Variants in RANBP17 observed in about 807,000 individuals in gnomAD.
RANBP17 encodes the protein ran-binding protein 17.
A neutral mutation model predicts 141.2 loss-of-function variants in RANBP17; 158 were observed. That is an observed-to-expected ratio of 1.12 (90% CI 0.98 to 1.28). The LOEUF (loss-of-function observed/expected upper bound fraction) is 1.28, where lower values mean the gene tolerates loss of function less well. Among genes scored for constraint, RANBP17 ranks in the 50% most tolerant of loss-of-function variants. The pLI, the probability that RANBP17 is intolerant of heterozygous loss-of-function variation, is 0.00. For synonymous variants in RANBP17, 430 were observed against 450.0 expected, an observed-to-expected ratio of 0.96 and a Z score of 0.56; for missense variants, 1,438 against 1,290.7, an observed-to-expected ratio of 1.11 and a Z score of -1.75.
At position 171,242,720 on chromosome 5, in the gene RANBP17, G is replaced by C. The variant is rs139562247; in HGVS notation, c.2676G>C (p.Leu892=). The change falls in exon 24 of 28, where the codon CTG becomes CTC. Residue 892 remains leucine (L), a synonymous_variant. Transcript: ENST00000523189. ...TGAGCCAGTCTTATTATCCACTCCT[G>C]GAATGTCTCACTCAGGACCATATGA... ...RKLSQSYYPL[L]ECLTQDHMSF... 4 of 1,613,436 alleles carry C rather than the reference G, an allele frequency of 2.5e-6. No individual in the cohort carries two copies. Among genetic ancestry groups the C allele is most frequent in the Non-Finnish European group, 3.4e-6 (4 of 1,179,792 alleles).
At chr5:171,249,212 C>T (rs937969857) in intron 24 of RANBP17, among the ~76,000 whole-genome samples, 2 of 152,192 alleles carry the variant, frequency 1.3e-5, no homozygotes, top group Non-Finnish European at 2.9e-5. Context: ...TATACTACTG[C>T]ATACATCCAC....
At chr5:171,148,615 T>TATATAG (rs797016263) in intron 14 of RANBP17, among the ~76,000 whole-genome samples, 6 of 147,752 alleles carry the variant, frequency 4.1e-5, no homozygotes, top group Admixed American at 6.8e-5. Context: ...TATATATATA[T>TATATAG]AGAGAGAGAG....
intron 14 of RANBP17, among the ~76,000 whole-genome samples, chr5:171,078,403 G>A (rs1785069681): frequency 6.6e-6 from 1 of 152,108 alleles, no homozygotes; most frequent in Non-Finnish European, 1.5e-5. Flanking sequence ...TAATCCACCT[G>A]CCTTGGCCTC....
At chr5:170,912,338 G>A (rs560332666) in intron 7 of RANBP17, among the ~76,000 whole-genome samples, 1 of 152,076 alleles carries the variant, frequency 6.6e-6, no homozygotes, top group East Asian at 1.9e-4. Context: ...TTATACTGTA[G>A]TTTTGCAAGA....
chr5:171,197,303 TA>T (rs1421328487), intron 18 of RANBP17, among the ~76,000 whole-genome samples: 1 of 152,212 alleles, frequency 6.6e-6, no homozygotes, highest in Non-Finnish European at 1.5e-5. Context: ...GTATCACCAC[TA>T]ATATTTATTG....
chr5:171,016,007 T>C (rs1007907885), intron 14 of RANBP17, among the ~76,000 whole-genome samples: 1 of 152,130 alleles, frequency 6.6e-6, no homozygotes, highest in African/African-American at 2.4e-5. Context: ...AGACTTCTCA[T>C]TGGAGTTCTC....
chr5:171,193,887 AC>A (rs1459853291), intron 18 of RANBP17, among the ~76,000 whole-genome samples: 1 of 152,160 alleles, frequency 6.6e-6, no homozygotes, highest in Admixed American at 6.5e-5. Flanking sequence ...AACCTAATAT[AC>A]TTACAGGTTC....
At chr5:170,868,274 G>T (rs1333973940) in intron 1 of RANBP17, among the ~76,000 whole-genome samples, 1 of 151,952 alleles carries the variant, frequency 6.6e-6, no homozygotes, top group East Asian at 1.9e-4. Context: ...TTTTAGACAG[G>T]GTCTTGCTCT....
intron 20 of RANBP17, chr5:171,207,017 G>A (rs1457364515): frequency 2.3e-5 from 4 of 171,714 alleles, no homozygotes; most frequent in South Asian, 2.0e-4. Context: ...TTTAAGATAC[G>A]GGGTCTTGTA....
chr5:171,260,631 A>C (rs774168913), intron 24 of RANBP17, among the ~76,000 whole-genome samples: 7 of 152,172 alleles, frequency 4.6e-5, no homozygotes, highest in Non-Finnish European at 8.8e-5. Flanking sequence ...AAGGTATTGT[A>C]GTCAGGTGAC....
chr5:171,278,152 A>G (rs998623233), intron 25 of RANBP17, among the ~76,000 whole-genome samples: 1 of 151,786 alleles, frequency 6.6e-6, no homozygotes, highest in East Asian at 1.9e-4. Context: ...CTAAAAGCTG[A>G]AGCAGGAGGA....
intron 5 of RANBP17, among the ~76,000 whole-genome samples, chr5:170,901,284 G>C (rs548977179): frequency 1.3e-5 from 2 of 152,126 alleles, no homozygotes; most frequent in South Asian, 2.1e-4. Flanking sequence ...TGTCTCCTTC[G>C]ATCTTTGTTG....
At chr5:171,215,551 C>T (rs1763164227) in intron 21 of RANBP17, among the ~76,000 whole-genome samples, 1 of 152,190 alleles carries the variant, frequency 6.6e-6, no homozygotes, top group African/African-American at 2.4e-5. Context: ...TTCTCCACAG[C>T]CTGACCAGCA....
chr5:171,098,455 A>G (rs1786864951), intron 14 of RANBP17, among the ~76,000 whole-genome samples: 2 of 152,116 alleles, frequency 1.3e-5, no homozygotes, highest in African/African-American at 4.8e-5. Flanking sequence ...GTGTCTGTTC[A>G]TATCCTTTGC....
chr5:170,919,216 AG>A (rs1772228946), intron 10 of RANBP17, among the ~76,000 whole-genome samples: 1 of 152,052 alleles, frequency 6.6e-6, no homozygotes, highest in Non-Finnish European at 1.5e-5. Context: ...GAATGATTAG[AG>A]GGAAGTAGAG....
At chr5:171,226,585 A>G (rs548567014) in intron 22 of RANBP17, among the ~76,000 whole-genome samples, 113 of 152,266 alleles carry the variant, frequency 7.4e-4, no homozygotes, top group Non-Finnish European at 1.3e-3. Flanking sequence ...ATTCGTCACC[A>G]CCTAGATAAT....
At chr5:171,142,484 T>C (rs186462671) in intron 14 of RANBP17, among the ~76,000 whole-genome samples, 2 of 152,328 alleles carry the variant, frequency 1.3e-5, no homozygotes, top group African/African-American at 4.8e-5. Context: ...CTATCCTTTA[T>C]AGATAAGATT....
intron 19 of RANBP17, among the ~76,000 whole-genome samples, 191 bp downstream of exon 19, chr5:171,199,964 C>A (rs1762207194): frequency 6.6e-6 from 1 of 152,124 alleles, no homozygotes; most frequent in Admixed American, 6.6e-5. Context: ...TTGAGGTCAG[C>A]AAATAGTTTT....
chr5:171,038,749 A>G (rs1581464803), intron 14 of RANBP17, among the ~76,000 whole-genome samples: 1 of 152,098 alleles, frequency 6.6e-6, no homozygotes, highest in African/African-American at 2.4e-5. Context: ...ATTTGTTTAC[A>G]TGGTGAATCA....
Sources: gnomAD v4.1 joint callset for allele counts (sites outside exome capture counted in the v4.1 genomes callset) on GRCh38, gnomAD v4.1.1 for gene constraint, MANE v1.5 for transcripts, NCBI Gene and HGNC (gene_info 2026-07-23, HGNC 2026-07-21) for gene names.